CAMKMT: variants seen among roughly 807,000 people sequenced by gnomAD.
CAMKMT encodes the protein calmodulin-lysine N-methyltransferase.
CAMKMT carries 53 observed loss-of-function variants against 48.0 expected under a neutral mutation model. The ratio of observed to expected loss-of-function variants is 1.10; its 90% confidence interval spans 0.89 to 1.39. The LOEUF (loss-of-function observed/expected upper bound fraction) is 1.39, where lower values mean the gene tolerates loss of function less well. CAMKMT is among the 40% of genes most tolerant of loss of function. CAMKMT has a pLI of 0.00. For synonymous variants in CAMKMT, 165 were observed against 152.3 expected, an observed-to-expected ratio of 1.08 and a Z score of -0.61; for missense variants, 428 against 402.7, an observed-to-expected ratio of 1.06 and a Z score of -0.54.
At chr2:44,379,216 AT>A (rs1007086904) in intron 2 of CAMKMT, among the ~76,000 whole-genome samples, 3 of 152,166 alleles carry the variant, frequency 2.0e-5, no homozygotes, top group African/African-American at 7.2e-5. Context: ...ATCTTTTTAA[AT>A]TTAAGATTCA....
chr2:44,401,302 A>C (rs569115200), intron 3 of CAMKMT, among the ~76,000 whole-genome samples: 1 of 152,310 alleles, frequency 6.6e-6, no homozygotes, highest in Admixed American at 6.5e-5. Context: ...TCACGCCTGT[A>C]ATCTCAGCAC....
At chr2:44,706,176 T>C in intron 4 of CAMKMT, 111 bp from the exon 5 acceptor site, 1 of 1,000,834 alleles carries the variant, frequency 1.0e-6, no homozygotes, top group East Asian at 2.4e-5. Flanking sequence ...TACAACTTCC[T>C]GGTAGCGCCG....
chr2:44,569,672 AG>A (rs1668803154), intron 3 of CAMKMT, among the ~76,000 whole-genome samples: 3 of 152,180 alleles, frequency 2.0e-5, no homozygotes, highest in African/African-American at 4.8e-5. Flanking sequence ...ATGCTGAGGA[AG>A]GGTAGTTATC....
chr2:44,753,249 CAAAAAA>C (rs772390371), intron 8 of CAMKMT, among the ~76,000 whole-genome samples: 1 of 65,462 alleles, frequency 1.5e-5, no homozygotes, highest in Non-Finnish European at 2.9e-5. Context: ...CCTGTCCCTA[CAAAAAA>C]AAAAAAAAAA....
At chr2:44,589,713 C>A (rs1670133787) in intron 3 of CAMKMT, among the ~76,000 whole-genome samples, 1 of 79,078 alleles carries the variant, frequency 1.3e-5, no homozygotes, top group East Asian at 2.3e-4. Context: ...CGTGTCACCA[C>A]TCCCTAATCT....
intron 3 of CAMKMT, among the ~76,000 whole-genome samples, chr2:44,398,852 A>G (rs1682100907): frequency 6.6e-6 from 1 of 152,174 alleles, no homozygotes; most frequent in Non-Finnish European, 1.5e-5. Context: ...ATGCTTGATA[A>G]GAACAAAATA....
intron 3 of CAMKMT, chr2:44,550,815 T>G (rs1168746899): frequency 6.6e-6 from 1 of 152,198 alleles, no homozygotes. Context: ...AGGAGGCATT[T>G]AATACTTAAA....
rs1385302220 is a variant in CAMKMT, at chr2:44,618,341, G to C, written c.377-85942G>C. The stretch of plus-strand genomic sequence containing the variant: ...CAGCCAGGGAGCAAAGCTCAGAGAT[G>C]GATACTGAGCTTTTTGCTGGCCCTT... On this transcript the variant is annotated intron_variant, in intron 3 of 10. Coordinates refer to ENST00000378494, the MANE Select transcript of CAMKMT (RefSeq NM_024766.5). This position sits in a 1 kb window ranked among gnomAD's most constrained non-coding sequence, Gnocchi z 4.0. Among the ~76,000 whole-genome samples, 1 of 152,162 alleles carries C rather than the reference G, an allele frequency of 6.6e-6. No individual in the cohort carries two copies. The highest frequency in any genetic ancestry group is 1.5e-5 in the Non-Finnish European group (1 of 68,034).
intron 3 of CAMKMT, among the ~76,000 whole-genome samples, chr2:44,579,273 A>AGCAAAAT (rs1212290650): frequency 1.3e-5 from 2 of 151,994 alleles, no homozygotes; most frequent in African/African-American, 4.8e-5. Context: ...ATGTCAGATG[A>AGCAAAAT]GTCATTTTGC....
chr2:44,409,307 G>A (rs1056281984), intron 3 of CAMKMT, among the ~76,000 whole-genome samples: 1 of 151,838 alleles, frequency 6.6e-6, no homozygotes, highest in African/African-American at 2.4e-5. Context: ...TGGACTCCTA[G>A]AGATAATCAT....
chr2:44,444,942 G>A (rs913607587), intron 3 of CAMKMT, among the ~76,000 whole-genome samples: 2 of 152,100 alleles, frequency 1.3e-5, no homozygotes, highest in African/African-American at 4.8e-5. Flanking sequence ...ACACATTTTT[G>A]TCCCAAATTC....
chr2:44,381,674 G>A (rs566101689), intron 2 of CAMKMT, among the ~76,000 whole-genome samples: 1 of 152,264 alleles, frequency 6.6e-6, no homozygotes, highest in East Asian at 1.9e-4. Flanking sequence ...AATGATGTGG[G>A]AAACTGTTTA....
At chr2:44,526,526 C>A (rs975035099) in intron 3 of CAMKMT, among the ~76,000 whole-genome samples, 13 of 152,130 alleles carry the variant, frequency 8.5e-5, no homozygotes, top group Admixed American at 4.6e-4. Flanking sequence ...AACCAGGTGG[C>A]CAGCAGTGCA....
At chr2:44,394,221 T>C (rs955944805) in intron 3 of CAMKMT, among the ~76,000 whole-genome samples, 15 of 152,066 alleles carry the variant, frequency 9.9e-5, no homozygotes, top group African/African-American at 3.6e-4. Context: ...CTGGCAAATG[T>C]TGCAGCTTAA....
intron 3 of CAMKMT, among the ~76,000 whole-genome samples, chr2:44,610,913 T>A (rs4953117): frequency 0.4 from 61,403 of 151,948 alleles, 14,536 homozygotes; most frequent in Middle Eastern, 0.55. Flanking sequence ...CCTCAAGTCA[T>A]GAGAATGGAA....
At chr2:44,580,333 C>G (rs1669486576) in intron 3 of CAMKMT, among the ~76,000 whole-genome samples, 2 of 151,902 alleles carry the variant, frequency 1.3e-5, no homozygotes, top group Admixed American at 1.3e-4. Context: ...GTGCCCTATA[C>G]TTATGACTGC....
intron 6 of CAMKMT, among the ~76,000 whole-genome samples, chr2:44,710,578 C>A (rs1677825271): frequency 6.6e-6 from 1 of 151,958 alleles, no homozygotes; most frequent in South Asian, 2.1e-4. Flanking sequence ...TTGTCCAGTT[C>A]TCAAATTTAT....
chr2:44,543,325 C>T (rs1339524432), intron 3 of CAMKMT, among the ~76,000 whole-genome samples: 2 of 152,132 alleles, frequency 1.3e-5, no homozygotes, highest in East Asian at 3.9e-4. Flanking sequence ...GCCACCAGCA[C>T]AAATGAAAAG....
intron 2 of CAMKMT, among the ~76,000 whole-genome samples, chr2:44,377,791 T>C (rs972514123): frequency 5.3e-5 from 8 of 152,170 alleles, no homozygotes; most frequent in African/African-American, 1.4e-4. Context: ...TTGACTGTGT[T>C]GCATCTTTCT....
Sources: gnomAD v4.1 joint callset for allele counts (sites outside exome capture counted in the v4.1 genomes callset) on GRCh38, gnomAD v4.1.1 for gene constraint, Gnocchi (gnomAD v3.1) non-coding constraint, MANE v1.5 for transcripts, NCBI Gene and HGNC (gene_info 2026-07-23, HGNC 2026-07-21) for gene names.